PKP1: variants seen among roughly 807,000 people sequenced by gnomAD.
The protein encoded by PKP1 is plakophilin 1, also known as plakophilin-1.
PKP1 carries 27 observed loss-of-function variants against 76.4 expected under a neutral mutation model. That is an observed-to-expected ratio of 0.35 (90% CI 0.26 to 0.49). The LOEUF (loss-of-function observed/expected upper bound fraction) is 0.49, where lower values mean the gene tolerates loss of function less well. Among genes scored for constraint, PKP1 ranks in the 20% least tolerant of loss-of-function variants. The pLI, the probability that PKP1 is intolerant of heterozygous loss-of-function variation, is 0.99. For synonymous variants in PKP1, 404 were observed against 384.2 expected (o/e 1.05, Z -0.60); for missense variants, 964 against 955.2 (o/e 1.01, Z -0.12).
rs761493179 is a variant in PKP1, at chr1:201,324,932, C to T, written c.1835-9C>T. The T allele has an allele frequency of 2.5e-6, 4 of 1,612,912 alleles. No individual in the cohort carries two copies. In the South Asian group the frequency reaches 3.3e-5, roughly 13 times the overall value. ...CCTGACCCTGTGCCCCAACTCGTTC[C>T]TCTCCCAGGGAACCAGGTGTTCCCG... On this transcript the variant is annotated splice_polypyrimidine_tract_variant and intron_variant, in intron 10 of 13. Coordinates refer to ENST00000367324, the MANE Select transcript of PKP1 (RefSeq NM_001005337.3).
In PKP1 at chr1:201,320,317, G is replaced by T. The variant is rs748356700; in HGVS notation, c.1283G>T (p.Gly428Val). The change falls in exon 7 of 14, where the codon GGG becomes GTG. Residue 428 changes from glycine (G) to valine (V), a missense_variant. Gly to Val is a moderately radical substitution (Grantham distance 109). Coordinates refer to ENST00000367324, the MANE Select transcript of PKP1 (RefSeq NM_001005337.3). ...CGCCAGACCATGCGTAACTACTCAG[G>T]GCTCATTGATTCCCTCATGGCCTAT... ...AGRQTMRNYS[G>V]LIDSLMAYVQ... 5 of 1,614,054 alleles carry T rather than the reference G, an allele frequency of 3.1e-6. No homozygotes were observed. The highest frequency in any genetic ancestry group is 4.2e-6 in the Non-Finnish European group (5 of 1,180,028).
intron 2 of PKP1, among the ~76,000 whole-genome samples, chr1:201,307,610 G>T (rs1656410208): frequency 6.6e-6 from 1 of 152,124 alleles, no homozygotes; most frequent in African/African-American, 2.4e-5. Flanking sequence ...CTTGCGAGGT[G>T]CCCCTTGTGA....
chr1:201,315,847 A>G (rs940140755), intron 3 of PKP1, among the ~76,000 whole-genome samples: 1 of 152,226 alleles, frequency 6.6e-6, no homozygotes, highest in African/African-American at 2.4e-5. Flanking sequence ...ACTGGGTTTT[A>G]GAACCACTTA....
chr1:201,306,411 CAA>C (rs1656368682), intron 2 of PKP1, among the ~76,000 whole-genome samples: 1 of 152,226 alleles, frequency 6.6e-6, no homozygotes, highest in African/African-American at 2.4e-5. Context: ...GCCTGGAGCC[CAA>C]GAGGCTAAGA....
Position 201,331,401 on chromosome 1 carries a change from G to C in PKP1, c.*1360G>C, listed in dbSNP as rs935106619. ...AGACTCTGTGCACTTCAGACCAGCAGCAGCAGGAGGGCTCCCGAGGGCCTT... is the reference window on the plus strand; with the variant it reads ...AGACTCTGTGCACTTCAGACCAGCACCAGCAGGAGGGCTCCCGAGGGCCTT... On this transcript the variant is annotated 3_prime_UTR_variant, in exon 14 of 14. Transcript: ENST00000367324. The C allele has an allele frequency of 1.3e-5, 2 of 152,640 alleles. No homozygotes were observed. Among genetic ancestry groups the C allele is most frequent in the Admixed American group, 6.5e-5 (1 of 15,294 alleles). 9.5% of individuals were successfully genotyped at this position (152,640 alleles called of 1,614,324 possible).
intron 1 of PKP1, among the ~76,000 whole-genome samples, chr1:201,289,886 G>A (rs534650624): frequency 2.2e-4 from 33 of 152,144 alleles, no homozygotes; most frequent in Non-Finnish European, 4.6e-4. Context: ...GAATGCAGGG[G>A]GAGGGTTGGA....
At chr1:201,315,396 A>G (rs1656692917) in intron 3 of PKP1, among the ~76,000 whole-genome samples, 1 of 152,248 alleles carries the variant, frequency 6.6e-6, no homozygotes, top group African/African-American at 2.4e-5. Flanking sequence ...ACCACCAAGT[A>G]TGTCAAAGCA....
intron 2 of PKP1, among the ~76,000 whole-genome samples, chr1:201,299,745 C>T (rs2102160131): frequency 1.3e-5 from 2 of 152,354 alleles, no homozygotes; most frequent in Middle Eastern, 6.8e-3. Flanking sequence ...GATGGTAGGA[C>T]TTCATTTACT....
In PKP1 at chr1:201,289,303, G is replaced by A. The variant is rs527332308; in HGVS notation, c.203-4639G>A. 2.0e-5 allele frequency among the ~76,000 whole-genome samples: 3 copies of A among 152,362 alleles called. No homozygotes were observed. In the South Asian group the frequency reaches 6.2e-4, roughly 32 times the overall value. ...CCATGGGTGAAAGAGATTTCAGAGG[G>A]TGAAGTAAAGGCATTTTCAAGACTA... On this transcript the variant is annotated intron_variant, in intron 1 of 13. Transcript: ENST00000367324.
chr1:201,328,717 C>G (rs925676228), intron 12 of PKP1, 45 bp from the exon 13 acceptor site: 31 of 1,557,026 alleles, frequency 2.0e-5, no homozygotes, highest in Non-Finnish European at 2.6e-5. Flanking sequence ...CACAGCAAGC[C>G]CCACACAGTT....
chr1:201,301,898 C>A (rs1656244138), intron 2 of PKP1, among the ~76,000 whole-genome samples: 1 of 152,136 alleles, frequency 6.6e-6, no homozygotes, highest in Non-Finnish European at 1.5e-5. Context: ...CTCTCCAGGC[C>A]TCGGTTTCCT....
chr1:201,312,109 C>T (rs1156557804), intron 2 of PKP1, among the ~76,000 whole-genome samples: 3 of 152,218 alleles, frequency 2.0e-5, no homozygotes, highest in Non-Finnish European at 4.4e-5. Flanking sequence ...CCCCACCTTG[C>T]AGCCCCAGGC....
At chr1:201,320,010 C>T (rs950189279) in intron 6 of PKP1, 4 of 998,790 alleles carry the variant, frequency 4.0e-6, no homozygotes, top group Non-Finnish European at 6.3e-6. Flanking sequence ...TCAGCCAGGG[C>T]CAGGCGGAAT....
chr1:201,295,721 G>A (rs1656051703), intron 2 of PKP1, among the ~76,000 whole-genome samples: 2 of 152,120 alleles, frequency 1.3e-5, no homozygotes, highest in South Asian at 2.1e-4. Flanking sequence ...CTGGGCCTCA[G>A]TTTTCTCATC....
intron 1 of PKP1, among the ~76,000 whole-genome samples, chr1:201,290,829 C>T (rs988591102): frequency 3.3e-5 from 5 of 152,082 alleles, no homozygotes; most frequent in South Asian, 4.2e-4. Flanking sequence ...CTTGTACGGG[C>T]GTGAGATGGA....
At chr1:201,291,043 C>T (rs1488322051) in intron 1 of PKP1, among the ~76,000 whole-genome samples, 1 of 152,164 alleles carries the variant, frequency 6.6e-6, no homozygotes, top group African/African-American at 2.4e-5. Context: ...GTTGTGGGAG[C>T]AGTGCTCTTA....
chr1:201,296,061 A>G (rs1656060302), intron 2 of PKP1, among the ~76,000 whole-genome samples: 1 of 151,700 alleles, frequency 6.6e-6, no homozygotes, highest in South Asian at 2.1e-4. Context: ...CTAAGACCCA[A>G]CCCTCCTTAC....
chr1:201,296,333 C>T (rs1408001929), intron 2 of PKP1, among the ~76,000 whole-genome samples: 1 of 152,184 alleles, frequency 6.6e-6, no homozygotes, highest in Non-Finnish European at 1.5e-5. Context: ...CAATAGAGAT[C>T]TGTGGCATGA....
Position 201,324,548 on chromosome 1 carries a change from A to G in PKP1, c.1801A>G (p.Met601Val). The change falls in exon 10 of 14, where the codon ATG becomes GTG. Residue 601 changes from methionine (M) to valine (V), a missense_variant. Physicochemically the swap from Met to Val is conservative, Grantham distance 21 (BLOSUM62 1). Transcript: ENST00000367324. ...GTCCGGAGCCTCCCTCCTGAGCAAC[A>G]TGTCCCGCCACCCTCTGCTGCACAG... ...VRSGASLLSNMSRHPLLHRVM... is the reference protein window; with the variant it reads ...VRSGASLLSNVSRHPLLHRVM... 6.2e-7 allele frequency: 1 copy of G among 1,614,140 alleles called. No individual in the cohort carries two copies. The highest frequency in any genetic ancestry group is 1.1e-5 in the South Asian group (1 of 91,064).
Sources: gnomAD v4.1 joint callset for allele counts (sites outside exome capture counted in the v4.1 genomes callset) on GRCh38, gnomAD v4.1.1 for gene constraint, MANE v1.5 for transcripts, NCBI Gene and HGNC (gene_info 2026-07-23, HGNC 2026-07-21) for gene names.